Variants in ENO4 observed in about 807,000 individuals in gnomAD.
ENO4 encodes enolase 4.
ENO4 carries 53 observed loss-of-function variants against 63.2 expected under a neutral mutation model. The observed-to-expected ratio is 0.84, with a 90% CI of 0.67 to 1.05. The LOEUF is 1.05. ENO4 is among the 50% of genes least tolerant of loss of function. ENO4 has a pLI of 0.00. For missense variants in ENO4, 719 were observed against 772.0 expected, an observed-to-expected ratio of 0.93 and a Z score of 0.81; for synonymous variants, 266 against 283.8, an observed-to-expected ratio of 0.94 and a Z score of 0.63.
At chr10:116,911,836 G>A (rs752421302), downstream of ENO4, 12 of 1,610,290 alleles carry the variant, frequency 7.5e-6, no homozygotes, top group Middle Eastern at 3.3e-4. Flanking sequence ...GCCTTTCGAA[G>A]ATTCTGGCTA....
At chr10:116,854,069 A>G (rs900764637) in intron 1 of ENO4, among the ~76,000 whole-genome samples, 1 of 152,072 alleles carries the variant, frequency 6.6e-6, no homozygotes, top group Non-Finnish European at 1.5e-5. Flanking sequence ...TTTCTATCTC[A>G]GCTTCTCTTT....
chr10:116,866,963 C>A (rs1487998470), intron 7 of ENO4, among the ~76,000 whole-genome samples: 1 of 152,112 alleles, frequency 6.6e-6, no homozygotes, highest in African/African-American at 2.4e-5. Flanking sequence ...TACCGCGATT[C>A]TTCTATTAAG....
At chr10:116,903,208 C>T (rs555358787) in intron 10 of ENO4, among the ~76,000 whole-genome samples, 8 of 152,304 alleles carry the variant, frequency 5.3e-5, no homozygotes, top group African/African-American at 1.4e-4. Context: ...TAGGCAGACA[C>T]GTTTGGACAT....
At chr10:116,854,365 C>T (rs1846185784) in intron 1 of ENO4, among the ~76,000 whole-genome samples, 1 of 151,636 alleles carries the variant, frequency 6.6e-6, no homozygotes, top group Non-Finnish European at 1.5e-5. Flanking sequence ...TGAAACTAGC[C>T]TGGCCAACAT....
chr10:116,865,176 ATTTAC>A (rs1589755893), intron 7 of ENO4, among the ~76,000 whole-genome samples: 1 of 151,826 alleles, frequency 6.6e-6, no homozygotes, highest in East Asian at 1.9e-4. Flanking sequence ...ATAATAAGGG[ATTTAC>A]TCTTTTATTT....
chr10:116,876,849 G>A (rs1846848657), intron 11 of ENO4, among the ~76,000 whole-genome samples: 1 of 152,108 alleles, frequency 6.6e-6, no homozygotes, highest in Admixed American at 6.5e-5. Flanking sequence ...TACTCGGGAG[G>A]CTGAGGCAGG....
At chr10:116,900,578 A>T in intron 10 of ENO4, 3 of 1,532,914 alleles carry the variant, frequency 2.0e-6, no homozygotes, top group Non-Finnish European at 2.6e-6. Context: ...CTATACACAC[A>T]CACTGAAGCA....
At chr10:116,886,350 G>C, downstream of ENO4, 2 of 1,553,116 alleles carry the variant, frequency 1.3e-6, no homozygotes, top group South Asian at 2.4e-5. Context: ...TGGATCAGCA[G>C]TTGGAGCTGT....
intron 10 of ENO4, among the ~76,000 whole-genome samples, chr10:116,904,847 T>C (rs1413344675): frequency 6.6e-6 from 1 of 152,152 alleles, no homozygotes; most frequent in Non-Finnish European, 1.5e-5. Context: ...AAAAAGCCAG[T>C]GGCAAAACAC....
At chr10:116,877,663 A>C (rs1345193081) in intron 11 of ENO4, among the ~76,000 whole-genome samples, 1 of 152,122 alleles carries the variant, frequency 6.6e-6, no homozygotes, top group Non-Finnish European at 1.5e-5. Flanking sequence ...GCTGGGATTC[A>C]GGGACAGGAT....
At chr10:116,884,701 T>TA (rs1438107796), downstream of ENO4, 1 of 155,902 alleles carries the variant, frequency 6.4e-6, no homozygotes, top group Non-Finnish European at 1.4e-5. Flanking sequence ...TATTAAAAAT[T>TA]ACTAAAGTTG....
At chr10:116,879,702 T>C (rs933280728) in intron 12 of ENO4, among the ~76,000 whole-genome samples, 167 bp from the exon 13 acceptor site, 12 of 152,220 alleles carry the variant, frequency 7.9e-5, no homozygotes, top group Non-Finnish European at 1.2e-4. Context: ...TGTTTGCCTT[T>C]CAGCACTCTC....
rs182097108 is a variant in ENO4 at position 116,893,685 on chromosome 10, A to G, written c.1194+13699A>G. On this transcript the variant is annotated intron_variant, in intron 10 of 10. Coordinates refer to the ENO4 transcript ENST00000369207. ...AACAAAATCCACTCCTTTCCATCCC[A>G]GGACTAAAAGAACTTCCCTAGTCTC... Among the ~76,000 whole-genome samples, 4 of 151,426 alleles carry G rather than the reference A, an allele frequency of 2.6e-5. No individual in the cohort carries two copies. In the East Asian group the frequency reaches 7.8e-4, roughly 29 times the overall value.
exon 11 of ENO4, chr10:116,911,735 A>G: frequency 6.3e-7 from 1 of 1,576,192 alleles, no homozygotes. Flanking sequence ...AGATTTTAAA[A>G]TACTCTCCTT....
At chr10:116,879,778 C>A in intron 12 of ENO4, 91 bp from the exon 13 acceptor site, 1 of 986,112 alleles carries the variant, frequency 1.0e-6, no homozygotes. Context: ...AAACAGCACA[C>A]TGTGACAGTT....
intron 1 of ENO4, among the ~76,000 whole-genome samples, chr10:116,854,751 T>C (rs1036237477): frequency 6.6e-6 from 1 of 151,184 alleles, no homozygotes; most frequent in Non-Finnish European, 1.5e-5. Context: ...GAGACCAGCC[T>C]GAGCAACATA....
At chr10:116,901,566 T>C (rs1185936719) in intron 10 of ENO4, 2 of 985,282 alleles carry the variant, frequency 2.0e-6, no homozygotes, top group African/African-American at 3.5e-5. Flanking sequence ...TCTTTGTACA[T>C]GGTACTTGCT....
intron 6 of ENO4, among the ~76,000 whole-genome samples, chr10:116,861,867 G>C (rs1589753620): frequency 1.3e-5 from 2 of 151,974 alleles, no homozygotes; most frequent in East Asian, 3.9e-4. Flanking sequence ...TCATGATAAA[G>C]AATTCTTTCT....
chr10:116,853,326 G>C (rs1027993235), intron 1 of ENO4, among the ~76,000 whole-genome samples: 2 of 148,896 alleles, frequency 1.3e-5, no homozygotes, highest in African/African-American at 4.9e-5. Flanking sequence ...CAAAGCAGTA[G>C]ATAATGAAAA....
Sources: allele counts gnomAD v4.1 joint callset (sites outside exome capture counted in the v4.1 genomes callset), GRCh38; gene constraint gnomAD v4.1.1; transcripts MANE v1.5; gene names NCBI Gene and HGNC (gene_info 2026-07-23, HGNC 2026-07-21).